MTA3: variants seen among roughly 807,000 people sequenced by gnomAD.
The protein encoded by MTA3 is metastasis-associated protein MTA3.
Under a neutral mutation model 83.5 loss-of-function variants are expected in MTA3, and 34 were observed. The ratio of observed to expected loss-of-function variants is 0.41; its 90% CI spans 0.31 to 0.54. The LOEUF is 0.54. Among genes scored for constraint, MTA3 ranks in the 20% least tolerant of loss-of-function variants. The pLI is 0.33. For synonymous variants in MTA3, 303 were observed against 252.7 expected (o/e 1.20, Z -1.89); for missense variants, 761 against 726.4 (o/e 1.05, Z -0.55).
intron 7 of MTA3, chr2:42,659,429 G>A (rs527543550): frequency 1.3e-5 from 2 of 154,092 alleles, no homozygotes; most frequent in African/African-American, 2.4e-5. Context: ...CTCTGCAGCT[G>A]ACTTTTTATT....
chr2:42,712,292 A>T (rs1294102282), intron 14 of MTA3, among the ~76,000 whole-genome samples: 1 of 152,084 alleles, frequency 6.6e-6, no homozygotes, highest in Non-Finnish European at 1.5e-5. Context: ...CTCTTCATCC[A>T]TATATAGGAA....
At chr2:42,633,736 A>G (rs1237338095) in intron 4 of MTA3, among the ~76,000 whole-genome samples, 2 of 151,672 alleles carry the variant, frequency 1.3e-5, no homozygotes, top group Non-Finnish European at 2.9e-5. Context: ...CTAAAAATAC[A>G]AAAAAAAGTT....
intron 16 of MTA3, among the ~76,000 whole-genome samples, chr2:42,723,658 A>G (rs1667596165): frequency 6.6e-6 from 1 of 152,240 alleles, no homozygotes; most frequent in Non-Finnish European, 1.5e-5. Context: ...CATTTGGACT[A>G]TAAACACAAC....
intron 6 of MTA3, among the ~76,000 whole-genome samples, chr2:42,654,972 C>T (rs1158201504): frequency 6.6e-6 from 1 of 152,204 alleles, no homozygotes; most frequent in Non-Finnish European, 1.5e-5. Flanking sequence ...TTGAAATCTA[C>T]ACTCTACATC....
intron 2 of MTA3, among the ~76,000 whole-genome samples, chr2:42,578,233 G>T (rs1451164866): frequency 2.0e-5 from 3 of 152,152 alleles, no homozygotes; most frequent in African/African-American, 7.2e-5. Context: ...TATAATCTGT[G>T]TGTTTTTACA....
At chr2:42,738,769 C>T (rs149193949) in intron 16 of MTA3, among the ~76,000 whole-genome samples, 299 of 152,308 alleles carry the variant, frequency 2.0e-3, no homozygotes, top group Non-Finnish European at 3.2e-3. Context: ...AGAATGCGCA[C>T]GTAGGGGTAG....
intron 2 of MTA3, among the ~76,000 whole-genome samples, chr2:42,577,110 A>ATC (rs1679139890): frequency 1.1e-5 from 1 of 89,372 alleles, no homozygotes; most frequent in Non-Finnish European, 2.2e-5. Flanking sequence ...AAAAAAATAT[A>ATC]TATATATATA....
intron 15 of MTA3, 46 bp downstream of exon 15, chr2:42,719,120 A>T: frequency 7.3e-7 from 1 of 1,376,066 alleles, no homozygotes; most frequent in South Asian, 1.2e-5. Context: ...CAATTTCTGA[A>T]TAGTATAGAT....
chr2:42,555,385 G>A (rs1462927249), intron 2 of MTA3, among the ~76,000 whole-genome samples: 2 of 148,802 alleles, frequency 1.3e-5, no homozygotes, highest in African/African-American at 5.0e-5. Flanking sequence ...AACCCAGGAG[G>A]CGGAGGTTGT....
At chr2:42,709,871 A>G (rs1666454458) in intron 14 of MTA3, among the ~76,000 whole-genome samples, 1 of 152,198 alleles carries the variant, frequency 6.6e-6, no homozygotes, top group Non-Finnish European at 1.5e-5. Context: ...GGTCTTGCTT[A>G]TCTTTTTTAT....
intron 13 of MTA3, 92 bp from the exon 14 acceptor site, chr2:42,708,782 A>G: frequency 7.5e-7 from 1 of 1,332,798 alleles, no homozygotes; most frequent in Admixed American, 2.0e-5. Context: ...GAAAGATTTA[A>G]AAGTTGCACT....
intron 8 of MTA3, among the ~76,000 whole-genome samples, chr2:42,678,814 A>T (rs925051914): frequency 6.6e-6 from 1 of 152,174 alleles, no homozygotes; most frequent in East Asian, 1.9e-4. Flanking sequence ...ATACATATTA[A>T]TGCATACTTT....
intron 2 of MTA3, among the ~76,000 whole-genome samples, chr2:42,577,105 A>AAAT (rs1211189566): frequency 1.1e-3 from 95 of 86,906 alleles, no homozygotes; most frequent in East Asian, 2.7e-3. Flanking sequence ...AAAAAAAAAA[A>AAAT]ATATATATAT....
intron 16 of MTA3, among the ~76,000 whole-genome samples, chr2:42,753,006 C>T (rs1409130531): frequency 6.6e-6 from 1 of 151,952 alleles, no homozygotes; most frequent in African/African-American, 2.4e-5. Flanking sequence ...CTCACTGCAG[C>T]CTTGGCTTTG....
At chr2:42,693,266 C>A (rs1315065758) in intron 9 of MTA3, among the ~76,000 whole-genome samples, 1 of 152,138 alleles carries the variant, frequency 6.6e-6, no homozygotes, top group Non-Finnish European at 1.5e-5. Context: ...ACTCAAGGCC[C>A]TAGGGCTCCA....
At chr2:42,724,345 T>C (rs1402228537) in intron 16 of MTA3, among the ~76,000 whole-genome samples, 2 of 129,602 alleles carry the variant, frequency 1.5e-5, no homozygotes, top group African/African-American at 5.5e-5. Context: ...TATATTCTTT[T>C]CGGTAAAAAG....
chr2:42,594,893 ATTATTTAT>A (rs72176773), intron 3 of MTA3, among the ~76,000 whole-genome samples: 2 of 131,372 alleles, frequency 1.5e-5, no homozygotes, highest in African/African-American at 5.8e-5. Flanking sequence ...CGCCTGGCTA[ATTATTTAT>A]TTATTTATTT....
chr2:42,649,274 G>A (rs1486176570), intron 6 of MTA3, among the ~76,000 whole-genome samples: 1 of 152,056 alleles, frequency 6.6e-6, no homozygotes, highest in Non-Finnish European at 1.5e-5. Flanking sequence ...GCGGGTGCCT[G>A]TAATCTCAGC....
chr2:42,602,432 T>C (rs545287163), intron 3 of MTA3, among the ~76,000 whole-genome samples: 1 of 152,218 alleles, frequency 6.6e-6, no homozygotes, highest in Non-Finnish European at 1.5e-5. Flanking sequence ...TGTTGGTTCA[T>C]GTGGTGGAAG....
Sources: gnomAD v4.1 joint callset for allele counts (sites outside exome capture counted in the v4.1 genomes callset) on GRCh38, gnomAD v4.1.1 for gene constraint, MANE v1.5 for transcripts, NCBI Gene and HGNC (gene_info 2026-07-23, HGNC 2026-07-21) for gene names.